VPS53: variants seen among roughly 807,000 people sequenced by gnomAD.
VPS53 encodes VPS53 subunit of GARP complex, also known as vacuolar protein sorting-associated protein 53 homolog.
In VPS53, 70 loss-of-function variants were observed where a neutral mutation model predicts 107.0. That is an observed-to-expected ratio of 0.65 (90% CI 0.54 to 0.80). The LOEUF (loss-of-function observed/expected upper bound fraction) is 0.80, where lower values mean the gene tolerates loss of function less well. VPS53 is among the 30% of genes least tolerant of loss of function. The pLI is 0.00. For missense variants in VPS53, 917 were observed against 1,049.4 expected (o/e 0.87, Z 1.74); for synonymous variants, 409 against 393.3 (o/e 1.04, Z -0.47).
chr17:627,292 T>C lies in VPS53; in HGVS notation c.856A>G (p.Arg286Gly). 6.2e-7 allele frequency: 1 copy of C among 1,613,792 alleles called. No individual in the cohort carries two copies. Among genetic ancestry groups the C allele is most frequent in the Non-Finnish European group, 8.5e-7 (1 of 1,179,916 alleles). Residue 286 changes from arginine (R) to glycine (G), a missense_variant, in exon 10 of 22, where the codon AGA becomes GGA. Arg to Gly is a moderately radical substitution (Grantham distance 125, BLOSUM62 -2). Coordinates refer to ENST00000437048, the MANE Select transcript of VPS53 (RefSeq NM_001128159.3). ...TGGCGTTTTATCCAGGCATAGCGTC[T>C]GTCGATTTTGTCCAGCCAGGCAACC... ...QDVAWLDKID[R>G]RYAWIKRQLV... is the part of the protein sequence containing the mutation.
chr17:606,791 C>T (rs908080564), intron 11 of VPS53, among the ~76,000 whole-genome samples: 2 of 150,950 alleles, frequency 1.3e-5, no homozygotes, highest in South Asian at 2.1e-4. Context: ...CACACTCCTT[C>T]TGAGAATCCA....
intron 9 of VPS53, 135 bp from the exon 10 acceptor site, chr17:627,451 C>A: frequency 8.3e-7 from 1 of 1,200,606 alleles, no homozygotes; most frequent in Non-Finnish European, 1.1e-6. Flanking sequence ...AGAATCTAGG[C>A]TACCTTTTTA....
intron 4 of VPS53, among the ~76,000 whole-genome samples, chr17:668,302 G>A (rs899707477): frequency 6.6e-6 from 1 of 152,116 alleles, no homozygotes; most frequent in African/African-American, 2.4e-5. Flanking sequence ...CCTAAGCAAG[G>A]CTATGGCACA....
At position 627,186 on chromosome 17, in the gene VPS53, C is replaced by T; in HGVS notation, c.962G>A (p.Cys321Tyr). 1 of 1,612,442 alleles carries T rather than the reference C, an allele frequency of 6.2e-7. No homozygotes were observed. Among genetic ancestry groups the T allele is most frequent in the Non-Finnish European group, 8.5e-7 (1 of 1,179,492 alleles). ...AACTGGCATCTACCTTGTCACATGG[C>T]AAAATTCCACCGCAATCCTCTCAGC... ...CMAERIAVEFCHVTRAELAKI... is the reference protein window; with the variant it reads ...CMAERIAVEFYHVTRAELAKI... Residue 321 changes from cysteine to tyrosine, a missense_variant, in exon 10 of 22, where the codon TGC becomes TAC. Cys to Tyr is a radical substitution (Grantham distance 194, BLOSUM62 -2). Coordinates refer to ENST00000437048, the MANE Select transcript of VPS53 (RefSeq NM_001128159.3).
rs769536686 is a variant in VPS53, at chr17:519,938, G to A, written c.2224-8C>T. On this transcript the variant is annotated splice_region_variant and splice_polypyrimidine_tract_variant and intron_variant, in intron 20 of 21. Coordinates refer to ENST00000437048, the MANE Select transcript of VPS53 (RefSeq NM_001128159.3). This position sits in a 1 kb window ranked among gnomAD's most constrained non-coding sequence, Gnocchi z 5.0. ...ATGAGGGGCCATCACTACCTACAGC[G>A]GGAGGAGACAGGAGCAAGCCCCTCA... The A allele has an allele frequency of 2.5e-5, 39 of 1,546,950 alleles. No individual in the cohort carries two copies. Among genetic ancestry groups the A allele is most frequent in the South Asian group, 4.8e-5 (4 of 83,942 alleles).
chr17:572,622 T>C (rs2151867574), intron 13 of VPS53, among the ~76,000 whole-genome samples: 1 of 151,860 alleles, frequency 6.6e-6, no homozygotes, highest in East Asian at 1.9e-4. Flanking sequence ...AGAAATCGGA[T>C]GGTTGCCGTG....
At chr17:639,138 A>G (rs9905705) in intron 7 of VPS53, among the ~76,000 whole-genome samples, 6,484 of 152,002 alleles carry the variant, frequency 0.043, 448 homozygotes, top group African/African-American at 0.15. Context: ...TATTCTCTAA[A>G]CTTCTCTTCT....
chr17:714,722 C>T lies in VPS53; in HGVS notation c.-13G>A, dbSNP rs1336297757. The T allele has an allele frequency of 1.2e-6, 2 of 1,612,928 alleles. No individual in the cohort carries two copies. Among genetic ancestry groups the T allele is most frequent in the Non-Finnish European group, 8.5e-7 (1 of 1,179,484 alleles). ...CCTCCTCCATCATTCCGCCACCCGGCCCCCTGCCGACCCCCGCCGCGAGCC... is the reference window on the plus strand; with the variant it reads ...CCTCCTCCATCATTCCGCCACCCGGTCCCCTGCCGACCCCCGCCGCGAGCC... On this transcript the variant is annotated 5_prime_UTR_variant, in exon 1 of 22. Coordinates refer to ENST00000437048, the MANE Select transcript of VPS53 (RefSeq NM_001128159.3).
chr17:635,418 A>G (rs891082076), intron 7 of VPS53, among the ~76,000 whole-genome samples: 1 of 152,124 alleles, frequency 6.6e-6, no homozygotes, highest in African/African-American at 2.4e-5. Context: ...CCATTTGTCA[A>G]TTTTGGCTTT....
chr17:624,993 TTC>T lies in VPS53; in HGVS notation c.975-1321_975-1320del, dbSNP rs1375363955. On this transcript the variant is annotated intron_variant, in intron 10 of 21. Transcript: ENST00000437048. Reference sequence around the variant, plus strand: ...CCTTCCTTCTCTGTCTTTCTCTCTCTTCTTTTTTTTTTTTTGAGACAGGGTCT... The same window carrying T: ...CCTTCCTTCTCTGTCTTTCTCTCTCTTTTTTTTTTTTTTGAGACAGGGTCT... Among the ~76,000 whole-genome samples, 19 of 122,664 alleles carry T rather than the reference TTC, an allele frequency of 1.5e-4. 1 individual carries two copies. In the East Asian group the frequency reaches 7.6e-3, roughly 49 times the overall value. 80.5% of individuals were successfully genotyped at this position (122,664 alleles called of 152,430 possible).
At chr17:550,392 C>G (rs1359684725) in intron 17 of VPS53, among the ~76,000 whole-genome samples, 1 of 152,176 alleles carries the variant, frequency 6.6e-6, no homozygotes, top group East Asian at 1.9e-4. Context: ...AAGGGCCAGA[C>G]AGTAAATATT....
intron 13 of VPS53, 138 bp downstream of exon 13, chr17:586,132 C>T: frequency 1.5e-6 from 1 of 683,028 alleles, no homozygotes; most frequent in Non-Finnish European, 2.6e-6. Flanking sequence ...AAAAATACCC[C>T]TAATGGGTTT....
At chr17:523,530 C>G (rs1246982262) in intron 19 of VPS53, 1 of 152,126 alleles carries the variant, frequency 6.6e-6, no homozygotes, top group Non-Finnish European at 1.5e-5. Flanking sequence ...TAAAGAGAAA[C>G]TAAGTAACGA....
At chr17:542,066 C>A (rs1436740464) in intron 17 of VPS53, among the ~76,000 whole-genome samples, 1 of 150,488 alleles carries the variant, frequency 6.6e-6, no homozygotes, top group African/African-American at 2.5e-5. Context: ...AAGCACCTAC[C>A]ACGCACTGAA....
At chr17:648,838 A>C (rs1421490383) in intron 7 of VPS53, among the ~76,000 whole-genome samples, 2 of 135,290 alleles carry the variant, frequency 1.5e-5, no homozygotes, top group African/African-American at 5.3e-5. Flanking sequence ...AGGACAGAGG[A>C]ATGGTACAGG....
chr17:669,585 T>G (rs1307976453), intron 4 of VPS53, among the ~76,000 whole-genome samples: 1 of 65,384 alleles, frequency 1.5e-5, no homozygotes, highest in Non-Finnish European at 3.9e-5. Flanking sequence ...AGAGACATAC[T>G]CTGTCTTAAA....
chr17:703,978 G>A (rs185485553), intron 2 of VPS53, among the ~76,000 whole-genome samples: 92 of 152,078 alleles, frequency 6.0e-4, no homozygotes, highest in African/African-American at 2.1e-3. Context: ...CCATGAGCTG[G>A]ATCTTGGGTT....
intron 7 of VPS53, among the ~76,000 whole-genome samples, chr17:650,960 G>A (rs977208161): frequency 7.2e-5 from 11 of 152,226 alleles, no homozygotes; most frequent in Non-Finnish European, 1.3e-4. Flanking sequence ...AGAATAAAGC[G>A]TAAGGCATGA....
chr17:631,895 T>C (rs1055827931), intron 7 of VPS53, among the ~76,000 whole-genome samples: 2 of 152,082 alleles, frequency 1.3e-5, no homozygotes. Flanking sequence ...TTAATCTTTA[T>C]ACAGTTCCAC....
Sources: gnomAD v4.1 joint callset for allele counts (sites outside exome capture counted in the v4.1 genomes callset) on GRCh38, gnomAD v4.1.1 for gene constraint, Gnocchi (gnomAD v3.1) non-coding constraint, MANE v1.5 for transcripts, NCBI Gene and HGNC (gene_info 2026-07-23, HGNC 2026-07-21) for gene names.